CYTH1: variants seen among roughly 807,000 people sequenced by gnomAD.
CYTH1 encodes the protein cytohesin 1.
Under a neutral mutation model 61.8 loss-of-function variants are expected in CYTH1, and 18 were observed. That is an observed-to-expected ratio of 0.29 (90% CI 0.20 to 0.43). CYTH1 has a LOEUF of 0.43. CYTH1 is among the 20% of genes least tolerant of loss of function. The pLI, the probability that CYTH1 is intolerant of heterozygous loss-of-function variation, is 1.00. For synonymous variants in CYTH1, 174 were observed against 184.3 expected (o/e 0.94, Z 0.45); for missense variants, 336 against 510.5 (o/e 0.66, Z 3.29).
In CYTH1 at chr17:78,693,630, GAA is replaced by G. The variant is rs900604219; in HGVS notation, c.815-1139_815-1138del. On this transcript the variant is annotated intron_variant, in intron 10 of 13. Coordinates refer to ENST00000446868, the MANE Select transcript of CYTH1 (RefSeq NM_004762.6). Reference sequence around the variant, plus strand: ...AGGGAGACTCCCTCTCAAAAAAAAAGAAAAAAAAAAGAAAAAAAAAAAAGTTG... The same window carrying G: ...AGGGAGACTCCCTCTCAAAAAAAAAGAAAAAAAAGAAAAAAAAAAAAGTTG... Among the ~76,000 whole-genome samples the G allele has an allele frequency of 1.0e-4, 11 of 110,442 alleles. No homozygotes were observed. In the East Asian group the frequency reaches 2.8e-3, roughly 28 times the overall value. The allele number at this position is 110,442 out of a possible 152,430, so 72.5% of individuals were successfully genotyped here.
At position 78,712,811 on chromosome 17, in the gene CYTH1, G is replaced by A. The variant is rs928119844; in HGVS notation, c.23-3079C>T. ...GACAGCCACTCTAAAGATCCCAACA[G>A]ACCAACTAAATCCAACCCAGGTCAC... is the stretch of plus-strand genomic sequence containing the variant. On this transcript the variant is annotated intron_variant, in intron 1 of 13. Transcript: ENST00000446868. 2.0e-5 allele frequency among the ~76,000 whole-genome samples: 3 copies of A among 152,020 alleles called. No homozygotes were observed. In the South Asian group the frequency reaches 6.2e-4, roughly 32 times the overall value.
intron 1 of CYTH1, among the ~76,000 whole-genome samples, chr17:78,725,652 C>G (rs1024147933): frequency 4.0e-4 from 61 of 152,168 alleles, no homozygotes; most frequent in African/African-American, 1.4e-3. Context: ...TTTAACATGG[C>G]CAGCTTCCAC....
chr17:78,708,154 G>T, intron 3 of CYTH1, 43 bp downstream of exon 3: 1 of 1,602,918 alleles, frequency 6.2e-7, no homozygotes, highest in Non-Finnish European at 8.5e-7. Flanking sequence ...GTGCTTTAAG[G>T]AATTACAACC....
In CYTH1 at chr17:78,732,295, C is replaced by A. The variant is rs192375373; in HGVS notation, c.23-22563G>T. On this transcript the variant is annotated intron_variant, in intron 1 of 13. Transcript: ENST00000446868. ...TAATCAGACTTTGGGTCTTGATCCC[C>A]CACAGCCAGTCCTGTGCTTTCATAT... Among the ~76,000 whole-genome samples the A allele has an allele frequency of 1.1e-4, 16 of 152,286 alleles. No homozygotes were observed. In the East Asian group the frequency reaches 2.9e-3, roughly 28 times the overall value.
At chr17:78,691,513 G>A (rs964282189) in intron 11 of CYTH1, 2 of 152,212 alleles carry the variant, frequency 1.3e-5, no homozygotes. Context: ...ATACTTCTGA[G>A]TCTTAATTTT....
chr17:78,733,076 CAAAAAAAAAAAAAAAA>C (rs56020680), intron 1 of CYTH1, among the ~76,000 whole-genome samples: 2 of 47,692 alleles, frequency 4.2e-5, no homozygotes, highest in Admixed American at 3.8e-4. Flanking sequence ...GACTCCATCT[CAAAAAAAAAAAAAAAA>C]AAAAAAAAAA....
At position 78,725,041 on chromosome 17, in the gene CYTH1, T is replaced by C. The variant is rs546079643; in HGVS notation, c.23-15309A>G. Among the ~76,000 whole-genome samples, 241 of 152,324 alleles carry C rather than the reference T, an allele frequency of 1.6e-3. 3 individuals carry two copies. The highest frequency in any genetic ancestry group is 5.4e-3 in the African/African-American group (225 of 41,560). On this transcript the variant is annotated intron_variant, in intron 1 of 13. Transcript: ENST00000446868. ...TGAGAGTCCCAGTGCAACACGTCCC[T>C]GGGCCCCTGTCTTCCTCCTTCTCAC...
rs2093194882 is a variant in CYTH1 at position 78,717,833 on chromosome 17, T to C, written c.23-8101A>G. ...AAATGAACGTGTCCAAGGCATGCTTTAGGACCAGGATGTCTCTTTGAGGTC... is the reference window on the plus strand; with the variant it reads ...AAATGAACGTGTCCAAGGCATGCTTCAGGACCAGGATGTCTCTTTGAGGTC... On this transcript the variant is annotated intron_variant, in intron 1 of 13. Coordinates refer to ENST00000446868, the MANE Select transcript of CYTH1 (RefSeq NM_004762.6). This position sits in a 1 kb window ranked among gnomAD's most constrained non-coding sequence, Gnocchi z 4.4. Among the ~76,000 whole-genome samples, 1 of 152,162 alleles carries C rather than the reference T, an allele frequency of 6.6e-6. No homozygotes were observed.
chr17:78,712,064 G>A (rs561174236), intron 1 of CYTH1, among the ~76,000 whole-genome samples: 87 of 142,726 alleles, frequency 6.1e-4, no homozygotes, highest in Non-Finnish European at 9.1e-5. Flanking sequence ...GGGCAACAGA[G>A]CCAGACAAGA....
chr17:78,754,253 C>T (rs1025457889), intron 1 of CYTH1, among the ~76,000 whole-genome samples: 3 of 152,216 alleles, frequency 2.0e-5, no homozygotes, highest in East Asian at 3.8e-4. Context: ...AACCCTCTTA[C>T]GCAGATTTGC....
intron 13 of CYTH1, 148 bp downstream of exon 13, chr17:78,680,042 C>T (rs2143999395): frequency 9.1e-7 from 1 of 1,104,526 alleles, no homozygotes; most frequent in Non-Finnish European, 1.3e-6. Flanking sequence ...TCCTGGGAAG[C>T]CGTCAGCTGG....
intron 1 of CYTH1, 70 bp downstream of exon 1, chr17:78,782,132 C>A (rs2093521400): frequency 8.2e-7 from 1 of 1,219,896 alleles, no homozygotes; most frequent in Non-Finnish European, 1.0e-6. Context: ...GCAAGCGCTG[C>A]CGGACGGCCG....
At position 78,700,213 on chromosome 17, in the gene CYTH1, T is replaced by C. The variant is rs529419852; in HGVS notation, c.550+118A>G. The C allele has an allele frequency of 2.1e-3, 1,747 of 831,284 alleles. 2 individuals are homozygous for C. Among genetic ancestry groups the C allele is most frequent in the Non-Finnish European group, 2.6e-3 (1,448 of 547,286 alleles). The allele number at this position is 831,284 out of a possible 1,614,324, so 51.5% of individuals were successfully genotyped here. A position where few individuals can be genotyped will look rare whatever the true frequency, so the allele number is the denominator to read the frequency against. On this transcript the variant is annotated intron_variant, in intron 7 of 13. Coordinates refer to ENST00000446868, the MANE Select transcript of CYTH1 (RefSeq NM_004762.6). The surrounding 1 kb of genome is among the most constrained non-coding windows in gnomAD (Gnocchi z 5.1). ...CAACATTTTACTATTATAACTATCA[T>C]TGAGTAAACGTTCCTAGGCATGAAT...
intron 1 of CYTH1, among the ~76,000 whole-genome samples, chr17:78,712,610 C>T (rs941781944): frequency 1.3e-5 from 2 of 152,070 alleles, no homozygotes; most frequent in Non-Finnish European, 2.9e-5. Context: ...GGGCTGAGAT[C>T]GTGCCACTGC....
chr17:78,759,981 A>G (rs1191026409), intron 1 of CYTH1, among the ~76,000 whole-genome samples: 1 of 152,166 alleles, frequency 6.6e-6, no homozygotes, highest in African/African-American at 2.4e-5. Flanking sequence ...GCATGTATGT[A>G]CGTATTTATT....
chr17:78,727,996 T>C (rs574506761), intron 1 of CYTH1: 33 of 242,404 alleles, frequency 1.4e-4, no homozygotes, highest in South Asian at 1.1e-3. Context: ...GTCCCTGATA[T>C]CATGCAGGTG....
At chr17:78,778,650 A>AG (rs1380278297) in intron 1 of CYTH1, among the ~76,000 whole-genome samples, 1 of 151,398 alleles carries the variant, frequency 6.6e-6, no homozygotes, top group Non-Finnish European at 1.5e-5. Context: ...AAAAAAAAAA[A>AG]AAAAAAAAAA....
chr17:78,761,754 G>C (rs2093429837), intron 1 of CYTH1, among the ~76,000 whole-genome samples: 1 of 152,186 alleles, frequency 6.6e-6, no homozygotes, highest in Admixed American at 6.5e-5. Context: ...AAAAAAAAAA[G>C]AGTGTTATTT....
chr17:78,734,529 C>T (rs2093311669), intron 1 of CYTH1, among the ~76,000 whole-genome samples: 1 of 149,660 alleles, frequency 6.7e-6, no homozygotes, highest in Non-Finnish European at 1.5e-5. Flanking sequence ...CAACCTCAGC[C>T]TCCTGGGTTC....
Sources: allele counts gnomAD v4.1 joint callset (sites outside exome capture counted in the v4.1 genomes callset), GRCh38; gene constraint gnomAD v4.1.1; non-coding constraint Gnocchi (gnomAD v3.1); transcripts MANE v1.5; gene names NCBI Gene and HGNC (gene_info 2026-07-23, HGNC 2026-07-21).